Variants in ANKEF1 observed in about 807,000 individuals in gnomAD.
The protein encoded by ANKEF1 is ankyrin repeat and EF-hand domain containing 1.
Under a neutral mutation model 65.1 loss-of-function variants are expected in ANKEF1, and 43 were observed. That is an observed-to-expected ratio of 0.66 (90% confidence interval 0.52 to 0.85). The LOEUF (loss-of-function observed/expected upper bound fraction) is 0.85. ANKEF1 is among the 40% of genes least tolerant of loss of function. ANKEF1 has a pLI of 0.00. For missense variants in ANKEF1, 934 were observed against 952.9 expected (o/e 0.98, Z 0.26); for synonymous variants, 316 against 341.5 (o/e 0.93, Z 0.82).
At chr20:10,043,652 C>CT (rs374135080) in intron 4 of ANKEF1, among the ~76,000 whole-genome samples, 6,559 of 81,530 alleles carry the variant, frequency 0.08, 176 homozygotes, top group East Asian at 0.16. Context: ...TTTTCTTTTC[C>CT]TTTTTTTTTT....
At chr20:10,053,382 A>T in intron 9 of ANKEF1, 107 bp downstream of exon 9, 1 of 928,070 alleles carries the variant, frequency 1.1e-6, no homozygotes. Context: ...TGGGTAAGAT[A>T]ATATGCAGTG....
chr20:10,045,881 C>T (rs112008370), intron 6 of ANKEF1, among the ~76,000 whole-genome samples, 184 bp downstream of exon 6: 5 of 152,012 alleles, frequency 3.3e-5, no homozygotes, highest in Admixed American at 2.0e-4. Flanking sequence ...CATGAATCTG[C>T]GCTTAAAAGT....
At chr20:10,043,580 C>T (rs1984327025) in intron 4 of ANKEF1, among the ~76,000 whole-genome samples, 1 of 150,554 alleles carries the variant, frequency 6.6e-6, no homozygotes, top group Non-Finnish European at 1.5e-5. Context: ...AAAGGCATTG[C>T]TGATGCCTAA....
chr20:10,047,909 G>A (rs1984611687), intron 6 of ANKEF1, among the ~76,000 whole-genome samples: 1 of 152,208 alleles, frequency 6.6e-6, no homozygotes, highest in Admixed American at 6.5e-5. Context: ...TAAGCTGGAA[G>A]CTGCAGAGGG....
chr20:10,043,053 A>G lies in ANKEF1; in HGVS notation c.347-69A>G, dbSNP rs1049463892. The G allele has an allele frequency of 4.7e-6, 7 of 1,488,442 alleles. No individual in the cohort carries two copies. In the African/African-American group the frequency reaches 9.8e-5, roughly 21 times the overall value. 92.2% of individuals were successfully genotyped at this position (1,488,442 alleles called of 1,614,324 possible). A position where few individuals can be genotyped will look rare whatever the true frequency, so the allele number is the denominator to read the frequency against. ...ACTAGCTAAATATGGATTTTTAATAATTTTACTTTCCTTCCTGTCAAATAT... is the reference window on the plus strand; with the variant it reads ...ACTAGCTAAATATGGATTTTTAATAGTTTTACTTTCCTTCCTGTCAAATAT... On this transcript the variant is annotated intron_variant, in intron 3 of 10. Coordinates refer to ENST00000378392, the MANE Select transcript of ANKEF1 (RefSeq NM_022096.6).
intron 8 of ANKEF1, among the ~76,000 whole-genome samples, chr20:10,052,241 T>C (rs919175996): frequency 3.3e-5 from 5 of 152,204 alleles, no homozygotes; most frequent in Non-Finnish European, 7.3e-5. Flanking sequence ...CTAAAAACAT[T>C]TATAAATACT....
At chr20:10,036,694 T>C (rs968376475) in intron 2 of ANKEF1, among the ~76,000 whole-genome samples, 27 of 152,086 alleles carry the variant, frequency 1.8e-4, no homozygotes, top group African/African-American at 5.5e-4. Context: ...ATACAAAAAT[T>C]AGCCAGGTGT....
In ANKEF1 at chr20:10,055,678, T is replaced by G; in HGVS notation, c.*18T>G. The G allele has an allele frequency of 6.2e-7, 1 of 1,613,380 alleles. No homozygotes were observed. The highest frequency in any genetic ancestry group is 8.5e-7 in the Non-Finnish European group (1 of 1,179,458). ...AGACCTAAGTCATAGCAGTTATTTC[T>G]TGGGGTAAATGCTTTGAGGCCCAGG... On this transcript the variant is annotated 3_prime_UTR_variant, in exon 11 of 11. Transcript: ENST00000378392.
intron 6 of ANKEF1, among the ~76,000 whole-genome samples, chr20:10,048,737 T>G (rs770754383): frequency 6.6e-6 from 1 of 152,190 alleles, no homozygotes; most frequent in Non-Finnish European, 1.5e-5. Flanking sequence ...ATCATTTTGT[T>G]AAATAAGGGA....
chr20:10,041,725 G>A (rs6141101), intron 3 of ANKEF1, among the ~76,000 whole-genome samples: 24 of 152,036 alleles, frequency 1.6e-4, no homozygotes, highest in Non-Finnish European at 2.9e-4. Context: ...AAATTGCTAA[G>A]GTGACTTAGC....
chr20:10,053,884 G>T (rs1409307599), intron 9 of ANKEF1, among the ~76,000 whole-genome samples: 1 of 152,186 alleles, frequency 6.6e-6, no homozygotes, highest in Non-Finnish European at 1.5e-5. Flanking sequence ...GGTTGAAGTT[G>T]TTGCCCATGG....
intron 3 of ANKEF1, among the ~76,000 whole-genome samples, chr20:10,040,110 C>G (rs1008066304): frequency 5.3e-5 from 8 of 152,276 alleles, no homozygotes; most frequent in African/African-American, 1.9e-4. Flanking sequence ...AGAACTGAAA[C>G]TATAAAAGGA....
intron 9 of ANKEF1, 49 bp downstream of exon 9, chr20:10,053,324 T>C (rs112327425): frequency 2.6e-6 from 4 of 1,535,220 alleles, no homozygotes. Context: ...TCTTTAAAAA[T>C]CTGTTTGGGG....
Position 10,051,628 on chromosome 20 carries a change from G to A in ANKEF1, c.1644-35G>A, listed in dbSNP as rs200173567. On this transcript the variant is annotated intron_variant, in intron 7 of 10. Transcript: ENST00000378392. Reference sequence around the variant, plus strand: ...TTTAGTGTCCAGTCATTGGAAAACCGTATTTTTAGTTTGTTCATCTATCTT... The same window carrying A: ...TTTAGTGTCCAGTCATTGGAAAACCATATTTTTAGTTTGTTCATCTATCTT... 2.1e-4 allele frequency: 312 copies of A among 1,520,756 alleles called. 1 individual carries two copies. The highest frequency in any genetic ancestry group is 3.4e-4 in the African/African-American group (25 of 72,824). 94.2% of individuals were successfully genotyped at this position (1,520,756 alleles called of 1,614,324 possible).
rs1479753130 is a variant in ANKEF1, at chr20:10,038,586, G to A, written c.285G>A (p.Leu95=). 6.2e-7 allele frequency: 1 copy of A among 1,614,050 alleles called. No individual in the cohort carries two copies. The highest frequency in any genetic ancestry group is 1.7e-5 in the Admixed American group (1 of 60,012). The change falls in exon 3 of 11, where the codon TTG becomes TTA. Residue 95 remains leucine, a synonymous_variant. Transcript: ENST00000378392. ...TMRAAELGHE[L]SMEILAKAKA... is the part of the protein sequence containing the mutation. ...GGGCTGCAGAACTGGGCCATGAATT[G>A]TCAATGGAAATATTAGCAAAGGCAA...
intron 6 of ANKEF1, among the ~76,000 whole-genome samples, chr20:10,049,004 A>G (rs1984676352): frequency 6.6e-6 from 1 of 152,214 alleles, no homozygotes; most frequent in Non-Finnish European, 1.5e-5. Flanking sequence ...ATCTGAGTTC[A>G]TAAGGTCCTA....
At position 10,036,757 on chromosome 20, in the gene ANKEF1, G is replaced by A. The variant is rs145400236; in HGVS notation, c.-45+1115G>A. ...CTCGGGAGGCTGAGGCAGGAGAATC[G>A]CTTGAACCCAGGAGGTGGAGGTTGC... On this transcript the variant is annotated intron_variant, in intron 2 of 10. Transcript: ENST00000378392. Among the ~76,000 whole-genome samples the A allele has an allele frequency of 9.9e-3, 1,510 of 152,220 alleles. 15 individuals carry two copies. The highest frequency in any genetic ancestry group is 0.028 in the African/African-American group (1,148 of 41,528).
intron 8 of ANKEF1, among the ~76,000 whole-genome samples, chr20:10,052,324 C>CAT (rs3062976): frequency 0.65 from 98,139 of 151,640 alleles, 32,700 homozygotes; most frequent in African/African-American, 0.8. Flanking sequence ...GCAGATGACA[C>CAT]TGAGTTATTA....
chr20:10,043,277 C>T lies in ANKEF1; in HGVS notation c.502C>T (p.Leu168=), dbSNP rs1984302535. 2 of 1,614,104 alleles carry T rather than the reference C, an allele frequency of 1.2e-6. No homozygotes were observed. Among genetic ancestry groups the T allele is most frequent in the Non-Finnish European group, 8.5e-7 (1 of 1,180,022 alleles). The change falls in exon 4 of 11, where the codon CTG becomes TTG. Residue 168 remains leucine, a synonymous_variant. Transcript: ENST00000378392. ...TGCACATGATGTTAAAGATGTGTGC[C>T]TGACATTTTTGGAAAAAGGAGCCAA... ...EDAHDVKDVC[L]TFLEKGANPN...
Sources: gnomAD v4.1 joint callset for allele counts (sites outside exome capture counted in the v4.1 genomes callset) on GRCh38, gnomAD v4.1.1 for gene constraint, MANE v1.5 for transcripts, NCBI Gene and HGNC (gene_info 2026-07-23, HGNC 2026-07-21) for gene names.